Variants in DOCK3 observed in about 807,000 individuals in gnomAD.
The protein encoded by DOCK3 is dedicator of cytokinesis protein 3.
Under a neutral mutation model 265.6 loss-of-function variants are expected in DOCK3, and 60 were observed. The ratio of observed to expected loss-of-function variants is 0.23; its 90% CI spans 0.18 to 0.28. The LOEUF (loss-of-function observed/expected upper bound fraction) is 0.28. DOCK3 is among the 10% of genes least tolerant of loss of function. The pLI, the probability that DOCK3 is intolerant of heterozygous loss-of-function variation, is 1.00. For missense variants in DOCK3, 1,981 were observed against 2,594.3 expected, an observed-to-expected ratio of 0.76 and a Z score of 5.14; for synonymous variants, 881 against 938.0, an observed-to-expected ratio of 0.94 and a Z score of 1.11.
intron 3 of DOCK3, among the ~76,000 whole-genome samples, chr3:50,847,882 CAAA>C (rs3043428): frequency 4.8e-4 from 47 of 97,618 alleles, no homozygotes; most frequent in East Asian, 3.3e-3. Flanking sequence ...GGCTCCATTT[CAAA>C]AAAAAAAAAA....
chr3:50,876,809 CTG>C (rs2047722763), intron 3 of DOCK3: 1 of 153,000 alleles, frequency 6.5e-6, no homozygotes, highest in African/African-American at 2.4e-5. Flanking sequence ...TAGAAGATCA[CTG>C]TAACTTCTGT....
chr3:50,893,531 G>C (rs72937251), intron 4 of DOCK3, among the ~76,000 whole-genome samples: 1 of 151,868 alleles, frequency 6.6e-6, no homozygotes, highest in Non-Finnish European at 1.5e-5. Flanking sequence ...ATAGAGGAGC[G>C]AGTCAACTTG....
At chr3:50,842,811 G>T (rs2045902391) in intron 3 of DOCK3, among the ~76,000 whole-genome samples, 1 of 152,160 alleles carries the variant, frequency 6.6e-6, no homozygotes, top group South Asian at 2.1e-4. Flanking sequence ...TCTACTTGTG[G>T]TTTATTTTTT....
chr3:51,000,901 C>T (rs774217174), intron 5 of DOCK3, among the ~76,000 whole-genome samples: 19 of 152,362 alleles, frequency 1.2e-4, no homozygotes, highest in South Asian at 4.1e-4. Flanking sequence ...GATCCATCTG[C>T]CTTGGCCTCC....
intron 49 of DOCK3, among the ~76,000 whole-genome samples, chr3:51,373,264 CAG>C (rs1263237964): frequency 6.6e-6 from 1 of 152,194 alleles, no homozygotes; most frequent in Non-Finnish European, 1.5e-5. Context: ...TCCAGAGACA[CAG>C]AGCCTCTAGG....
chr3:51,013,798 C>T (rs972852538), intron 5 of DOCK3, among the ~76,000 whole-genome samples: 3 of 152,158 alleles, frequency 2.0e-5, no homozygotes, highest in Admixed American at 6.5e-5. Context: ...CAGAGACAGT[C>T]GGGCCTCATT....
intron 3 of DOCK3, among the ~76,000 whole-genome samples, chr3:50,864,906 GCA>G (rs1362176211): frequency 3.3e-5 from 5 of 151,542 alleles, no homozygotes; most frequent in African/African-American, 1.2e-4. Flanking sequence ...TTTTTTCCCA[GCA>G]GTAGCTATTT....
chr3:50,959,766 G>A (rs986029266), intron 5 of DOCK3, among the ~76,000 whole-genome samples: 9 of 151,950 alleles, frequency 5.9e-5, no homozygotes, highest in African/African-American at 2.2e-4. Context: ...ATTTTTAGTA[G>A]AGATGGGGTT....
chr3:50,802,501 T>G (rs1049594668), intron 2 of DOCK3, among the ~76,000 whole-genome samples: 1 of 152,188 alleles, frequency 6.6e-6, no homozygotes, highest in Non-Finnish European at 1.5e-5. Flanking sequence ...AAGATTTTAT[T>G]TATTCTTCAT....
intron 1 of DOCK3, among the ~76,000 whole-genome samples, chr3:50,698,192 C>T (rs1342911117): frequency 6.6e-6 from 1 of 152,018 alleles, no homozygotes; most frequent in Non-Finnish European, 1.5e-5. Flanking sequence ...TCTCTCTCCC[C>T]CACCCGGGCA....
chr3:51,004,070 T>TGTG (rs1347881310), intron 5 of DOCK3, among the ~76,000 whole-genome samples: 3 of 152,054 alleles, frequency 2.0e-5, no homozygotes, highest in Non-Finnish European at 2.9e-5. Context: ...TCCACTTGAG[T>TGTG]GTGGGCTTGA....
chr3:51,140,637 T>TA (rs1459563642), intron 9 of DOCK3, among the ~76,000 whole-genome samples: 1 of 152,194 alleles, frequency 6.6e-6, no homozygotes, highest in African/African-American at 2.4e-5. Flanking sequence ...TTCTGGGTCA[T>TA]ATGGTTTCTA....
chr3:50,787,286 A>C, intron 2 of DOCK3: 1 of 455,868 alleles, frequency 2.2e-6, no homozygotes, highest in Non-Finnish European at 4.0e-6. Flanking sequence ...CTGTAATCCC[A>C]GCACTTTGGG....
At chr3:50,935,718 G>T (rs569423719) in intron 5 of DOCK3, among the ~76,000 whole-genome samples, 28 of 152,296 alleles carry the variant, frequency 1.8e-4, no homozygotes, top group African/African-American at 6.5e-4. Flanking sequence ...TGAGGAGATA[G>T]TAGGGTGAAG....
intron 1 of DOCK3, among the ~76,000 whole-genome samples, chr3:50,704,992 A>T (rs1326490467): frequency 5.4e-5 from 8 of 147,758 alleles, no homozygotes; most frequent in Admixed American, 4.7e-4. Context: ...ATAGTTGAGG[A>T]CTTATTCCTC....
intron 13 of DOCK3, among the ~76,000 whole-genome samples, chr3:51,210,923 C>CT (rs2089464046): frequency 6.6e-6 from 1 of 152,172 alleles, no homozygotes; most frequent in South Asian, 2.1e-4. Flanking sequence ...TCTATGTGAA[C>CT]TTTAATAGAT....
intron 27 of DOCK3, among the ~76,000 whole-genome samples, chr3:51,303,302 A>G (rs1560392363): frequency 6.6e-6 from 1 of 152,148 alleles, no homozygotes; most frequent in East Asian, 1.9e-4. Context: ...TCTGGTTAAC[A>G]GCTCCTGTAA....
chr3:51,017,437 A>C (rs1298538091), intron 5 of DOCK3, among the ~76,000 whole-genome samples: 1 of 151,418 alleles, frequency 6.6e-6, no homozygotes, highest in African/African-American at 2.4e-5. Flanking sequence ...CCAGTTCTTT[A>C]AGATGTATCA....
chr3:51,317,465 A>G (rs2083431359), intron 32 of DOCK3, among the ~76,000 whole-genome samples: 1 of 151,206 alleles, frequency 6.6e-6, no homozygotes, highest in Non-Finnish European at 1.5e-5. Flanking sequence ...CTGTAGTCCC[A>G]GATACTCAGG....
Sources: gnomAD v4.1 joint callset for allele counts (sites outside exome capture counted in the v4.1 genomes callset) on GRCh38, gnomAD v4.1.1 for gene constraint, MANE v1.5 for transcripts, NCBI Gene and HGNC (gene_info 2026-07-23, HGNC 2026-07-21) for gene names.